HDLBP: variants seen among roughly 807,000 people sequenced by gnomAD.
HDLBP encodes vigilin.
HDLBP carries 30 observed loss-of-function variants against 137.3 expected under a neutral mutation model. The ratio of observed to expected loss-of-function variants is 0.22; its 90% confidence interval spans 0.16 to 0.30. The LOEUF (loss-of-function observed/expected upper bound fraction) is 0.30, where lower values mean the gene tolerates loss of function less well. Ranked by LOEUF, HDLBP falls within the 10% of genes least tolerant of loss-of-function variation. HDLBP has a pLI of 1.00. For synonymous variants in HDLBP, 606 were observed against 596.0 expected (o/e 1.02, Z -0.24); for missense variants, 1,119 against 1,667.3 (o/e 0.67, Z 5.73).
At chr2:241,284,370 G>A (rs1379684075) in intron 1 of HDLBP, among the ~76,000 whole-genome samples, 1 of 152,210 alleles carries the variant, frequency 6.6e-6, no homozygotes, top group Non-Finnish European at 1.5e-5. Flanking sequence ...GAAACAGCAA[G>A]AGAACTAGAA....
At chr2:241,305,756 A>G (rs967706641) in intron 1 of HDLBP, among the ~76,000 whole-genome samples, 3 of 144,442 alleles carry the variant, frequency 2.1e-5, no homozygotes, top group South Asian at 2.2e-4. Flanking sequence ...AAAGTTGTTT[A>G]TTTGTTTTTT....
chr2:241,232,647 T>C (rs2069909025), intron 24 of HDLBP, among the ~76,000 whole-genome samples: 1 of 152,074 alleles, frequency 6.6e-6, no homozygotes, highest in African/African-American at 2.4e-5. Context: ...GGTGAGGGGC[T>C]TAAAAGAGCT....
chr2:241,298,864 TAA>T (rs1368677685), intron 1 of HDLBP, among the ~76,000 whole-genome samples: 1 of 152,130 alleles, frequency 6.6e-6, no homozygotes, highest in Non-Finnish European at 1.5e-5. Flanking sequence ...TGGTAATCAT[TAA>T]AAGTGTCAAG....
chr2:241,233,240 T>A lies in HDLBP; in HGVS notation c.3288+580A>T, dbSNP rs915209295. Among the ~76,000 whole-genome samples, 1 of 152,014 alleles carries A rather than the reference T, an allele frequency of 6.6e-6. No individual in the cohort carries two copies. The highest frequency in any genetic ancestry group is 1.5e-5 in the Non-Finnish European group (1 of 67,982). ...AGTGTGTGCAAGAGGGGGTGTTGGG[T>A]GAGGCTGCCCTGCATGCCAGGTGGC... On this transcript the variant is annotated intron_variant, in intron 24 of 27. Transcript: ENST00000310931. This position sits in a 1 kb window ranked among gnomAD's most constrained non-coding sequence, Gnocchi z 4.3.
Position 241,313,559 on chromosome 2 carries a change from G to A in HDLBP, c.-103+2011C>T, listed in dbSNP as rs562140544. Among the ~76,000 whole-genome samples the A allele has an allele frequency of 2.7e-4, 41 of 152,276 alleles. 1 individual carries two copies. The highest frequency in any genetic ancestry group is 5.0e-4 in the Non-Finnish European group (34 of 68,028). On this transcript the variant is annotated intron_variant, in intron 1 of 27. Coordinates refer to ENST00000310931, the MANE Select transcript of HDLBP (RefSeq NM_005336.6). Reference sequence around the variant, plus strand: ...CTCCCAAAGTGCTGGGATTACAAGCGTGAGCCACTGCACCTGGTCGAAAAG... The same window carrying A: ...CTCCCAAAGTGCTGGGATTACAAGCATGAGCCACTGCACCTGGTCGAAAAG...
intron 16 of HDLBP, among the ~76,000 whole-genome samples, chr2:241,245,656 G>C (rs2071611030): frequency 6.6e-6 from 1 of 152,126 alleles, no homozygotes; most frequent in Non-Finnish European, 1.5e-5. Flanking sequence ...AAAAAAATTA[G>C]CCTGGTGCGG....
chr2:241,265,185 G>A (rs941953461), intron 3 of HDLBP, among the ~76,000 whole-genome samples: 26 of 152,214 alleles, frequency 1.7e-4, no homozygotes, highest in Non-Finnish European at 2.8e-4. Context: ...TTGGGAGGCC[G>A]AGGCAGGCAG....
Position 241,237,467 on chromosome 2 carries a change from G to A in HDLBP, c.2750-698C>T, listed in dbSNP as rs573571196. ...ATCACTAAGACAGAACCCAGGAGGT[G>A]TGTGATGTAAATAAATGAGCAGGAG... On this transcript the variant is annotated intron_variant, in intron 20 of 27. Coordinates refer to ENST00000310931, the MANE Select transcript of HDLBP (RefSeq NM_005336.6). Among the ~76,000 whole-genome samples the A allele has an allele frequency of 1.8e-4, 28 of 152,310 alleles. 1 individual carries two copies. Among genetic ancestry groups the A allele is most frequent in the African/African-American group, 5.8e-4 (24 of 41,564 alleles).
Position 241,249,764 on chromosome 2 carries a change from A to C in HDLBP, c.1512+77T>G, listed in dbSNP as rs1191556335. The stretch of plus-strand genomic sequence containing the variant: ...CTTCCATTCTCTAAGGCCGCACACC[A>C]CAACACGCTACTCCTTAGAGGGGGC... On this transcript the variant is annotated intron_variant, in intron 12 of 27. Coordinates refer to ENST00000310931, the MANE Select transcript of HDLBP (RefSeq NM_005336.6). The C allele has an allele frequency of 1.8e-5, 26 of 1,409,730 alleles. No individual in the cohort carries two copies. The South Asian group carries it at 3.1e-4, about 17-fold the overall frequency. The allele number at this position is 1,409,730 out of a possible 1,614,324, so 87.3% of individuals were successfully genotyped here. A position where few individuals can be genotyped will look rare whatever the true frequency, so the allele number is the denominator to read the frequency against.
At chr2:241,273,765 G>C (rs562081518) in intron 1 of HDLBP, 1 of 655,200 alleles carries the variant, frequency 1.5e-6, no homozygotes, top group African/African-American at 2.0e-5. Flanking sequence ...GGTCAGGTCC[G>C]CACAGCCTGC....
intron 24 of HDLBP, among the ~76,000 whole-genome samples, chr2:241,232,370 C>T (rs767342927): frequency 2.8e-4 from 43 of 151,782 alleles, no homozygotes; most frequent in Non-Finnish European, 1.5e-4. Context: ...CCGCCTCCTG[C>T]GTTCAAGCGA....
intron 1 of HDLBP, among the ~76,000 whole-genome samples, chr2:241,287,433 T>C (rs2074860090): frequency 6.6e-6 from 1 of 150,710 alleles, no homozygotes; most frequent in Non-Finnish European, 1.5e-5. Flanking sequence ...TTTTTTTTTT[T>C]TTTCTGAGAC....
chr2:241,234,405 C>T (rs948737579), intron 23 of HDLBP, among the ~76,000 whole-genome samples: 1 of 152,230 alleles, frequency 6.6e-6, no homozygotes, highest in Non-Finnish European at 1.5e-5. Flanking sequence ...CCAAAGGCTA[C>T]AGGTATGACC....
At chr2:241,311,125 CAAAA>C (rs1431133609) in intron 1 of HDLBP, among the ~76,000 whole-genome samples, 4 of 150,578 alleles carry the variant, frequency 2.7e-5, no homozygotes, top group Middle Eastern at 3.4e-3. Context: ...CAAAAAAAAA[CAAAA>C]GAAAGAAAGA....
intron 5 of HDLBP, among the ~76,000 whole-genome samples, chr2:241,260,211 G>A (rs1216217687): frequency 6.6e-6 from 1 of 152,004 alleles, no homozygotes; most frequent in African/African-American, 2.4e-5. Context: ...TCGCCATACT[G>A]GCCAGGCTGG....
intron 1 of HDLBP, among the ~76,000 whole-genome samples, chr2:241,298,045 CAAAAAAAAAAAAAAAAAAAAAAA>C (rs71049568): frequency 8.6e-5 from 2 of 23,360 alleles, no homozygotes; most frequent in African/African-American, 5.3e-4. Context: ...GACCCTGTCT[CAAAAAAAAAAAAAAAAAAAAAAA>C]AAAAAAAAAA....
At chr2:241,300,546 TAAG>T (rs930846559) in intron 1 of HDLBP, among the ~76,000 whole-genome samples, 8 of 152,312 alleles carry the variant, frequency 5.3e-5, no homozygotes, top group East Asian at 1.9e-4. Flanking sequence ...TAAAATACTC[TAAG>T]AAGAAGAATC....
At chr2:241,255,001 G>A in intron 9 of HDLBP, 50 bp downstream of exon 9, 2 of 1,364,558 alleles carry the variant, frequency 1.5e-6, no homozygotes, top group Non-Finnish European at 2.1e-6. Context: ...GAAACAGAAA[G>A]ACAGAAAACA....
chr2:241,269,546 G>C (rs2073911208), intron 1 of HDLBP: 1 of 152,170 alleles, frequency 6.6e-6, no homozygotes, highest in East Asian at 1.9e-4. Context: ...TACAGGGCTT[G>C]AGTCACACAG....
Sources: gnomAD v4.1 joint callset for allele counts (sites outside exome capture counted in the v4.1 genomes callset) on GRCh38, gnomAD v4.1.1 for gene constraint, Gnocchi (gnomAD v3.1) non-coding constraint, MANE v1.5 for transcripts, NCBI Gene and HGNC (gene_info 2026-07-23, HGNC 2026-07-21) for gene names.